Variants in CERS6 observed in about 807,000 individuals in gnomAD.
The protein encoded by CERS6 is ceramide synthase 6.
A neutral mutation model predicts 56.8 loss-of-function variants in CERS6; 26 were observed. The ratio of observed to expected loss-of-function variants is 0.46; its 90% CI spans 0.34 to 0.63. The LOEUF is 0.63. CERS6 is among the 30% of genes least tolerant of loss of function. The pLI, the probability that CERS6 is intolerant of heterozygous loss-of-function variation, is 0.01. For missense variants in CERS6, 415 were observed against 467.5 expected, an observed-to-expected ratio of 0.89 and a Z score of 1.04; for synonymous variants, 164 against 173.3, an observed-to-expected ratio of 0.95 and a Z score of 0.42.
intron 3 of CERS6, among the ~76,000 whole-genome samples, chr2:168,629,294 C>G (rs544969485): frequency 2.9e-4 from 44 of 152,254 alleles, no homozygotes; most frequent in African/African-American, 8.7e-4. Context: ...AGAACTGAAA[C>G]AGCTGTTATA....
At chr2:168,712,502 A>G (rs1298331447) in intron 6 of CERS6, among the ~76,000 whole-genome samples, 1 of 152,234 alleles carries the variant, frequency 6.6e-6, no homozygotes, top group Non-Finnish European at 1.5e-5. Flanking sequence ...ACAACCCCAG[A>G]AATAATTTTA....
chr2:168,691,107 G>A (rs1686490106), intron 5 of CERS6, 23 bp downstream of exon 5: 1 of 1,606,134 alleles, frequency 6.2e-7, no homozygotes, highest in Non-Finnish European at 8.5e-7. Context: ...TATTGTCTGG[G>A]TTTTTACACA....
chr2:168,760,910 C>G (rs995508697), intron 8 of CERS6, among the ~76,000 whole-genome samples: 1 of 152,126 alleles, frequency 6.6e-6, no homozygotes, highest in Admixed American at 6.5e-5. Flanking sequence ...CGCCCGCCAC[C>G]ACGCCCGGCT....
chr2:168,497,935 A>G (rs1186637825), intron 1 of CERS6, among the ~76,000 whole-genome samples: 1 of 152,190 alleles, frequency 6.6e-6, no homozygotes, highest in Non-Finnish European at 1.5e-5. Context: ...AAGACCAGTT[A>G]GGGAGACCCT....
At chr2:168,717,690 G>A (rs1012992602) in intron 7 of CERS6, among the ~76,000 whole-genome samples, 182 bp from the exon 8 acceptor site, 4 of 152,054 alleles carry the variant, frequency 2.6e-5, no homozygotes, top group African/African-American at 7.2e-5. Flanking sequence ...CTCAACTTAC[G>A]GGTAATTTAT....
chr2:168,715,072 G>A lies in CERS6; in HGVS notation c.681G>A (p.Met227Ile). ...TTACCTTTTCATATGTCAACAATAT[G>A]GCCCGAGTAGGAACGCTGGTCCTTT... Reference protein sequence around the residue: ...FLITFSYVNNMARVGTLVLCL... With the variant: ...FLITFSYVNNIARVGTLVLCL... The change falls in exon 7 of 10, where the codon ATG becomes ATA. Residue 227 changes from methionine to isoleucine, a missense_variant. Transcript: ENST00000305747. 3 of 1,612,544 alleles carry A rather than the reference G, an allele frequency of 1.9e-6. No individual in the cohort carries two copies. The highest frequency in any genetic ancestry group is 2.5e-6 in the Non-Finnish European group (3 of 1,179,188).
At chr2:168,536,174 C>T (rs1157784112) in intron 1 of CERS6, among the ~76,000 whole-genome samples, 1 of 152,120 alleles carries the variant, frequency 6.6e-6, no homozygotes, top group East Asian at 1.9e-4. Context: ...TTTTAGTGGT[C>T]AACCTAAATA....
chr2:168,509,008 A>T (rs1694730876), intron 1 of CERS6, among the ~76,000 whole-genome samples: 2 of 152,038 alleles, frequency 1.3e-5, no homozygotes, highest in African/African-American at 4.8e-5. Context: ...TACTTTCTAG[A>T]TGGTAATTTA....
intron 1 of CERS6, among the ~76,000 whole-genome samples, chr2:168,531,887 T>C (rs1291162033): frequency 6.6e-6 from 1 of 151,828 alleles, no homozygotes; most frequent in Non-Finnish European, 1.5e-5. Flanking sequence ...GAAAAGTATG[T>C]TTCTTGTCAT....
At chr2:168,677,541 A>G (rs1301187366) in intron 4 of CERS6, among the ~76,000 whole-genome samples, 2 of 152,068 alleles carry the variant, frequency 1.3e-5, no homozygotes, top group Admixed American at 1.3e-4. Flanking sequence ...CTTGTTGCCC[A>G]GGCTGGAGTG....
At chr2:168,735,742 C>T (rs991925066) in intron 8 of CERS6, among the ~76,000 whole-genome samples, 5 of 151,562 alleles carry the variant, frequency 3.3e-5, no homozygotes, top group South Asian at 2.1e-4. Flanking sequence ...ATCAGCCAGG[C>T]GTGATGTCAC....
At chr2:168,630,237 C>T (rs1684682619) in intron 3 of CERS6, among the ~76,000 whole-genome samples, 1 of 151,736 alleles carries the variant, frequency 6.6e-6, no homozygotes, top group Non-Finnish European at 1.5e-5. Context: ...GCTATTCATA[C>T]TCGGAAGTAC....
chr2:168,658,272 C>T (rs995023719), intron 4 of CERS6, among the ~76,000 whole-genome samples: 1 of 152,188 alleles, frequency 6.6e-6, no homozygotes, highest in Non-Finnish European at 1.5e-5. Flanking sequence ...AACAGGTTTT[C>T]TCTTTTAGGG....
rs571873789 is a variant in CERS6 at position 168,762,832 on chromosome 2, T to C, written c.846-2760T>C. 4.5e-4 allele frequency among the ~76,000 whole-genome samples: 69 copies of C among 152,088 alleles called. 1 individual carries two copies. The South Asian group carries it at 0.014, about 31-fold the overall frequency. On this transcript the variant is annotated intron_variant, in intron 8 of 9. Transcript: ENST00000305747. ...AAATAGGAGTTGCAGAAATCGGGGGTGGGGAAGAACCTATTTGTCTATTTT... is the reference window on the plus strand; with the variant it reads ...AAATAGGAGTTGCAGAAATCGGGGGCGGGGAAGAACCTATTTGTCTATTTT...
chr2:168,746,508 G>T, intron 8 of CERS6, among the ~76,000 whole-genome samples: 1 of 151,694 alleles, frequency 6.6e-6, no homozygotes. Flanking sequence ...TTGGGTGGAG[G>T]GACATGATGA....
intron 4 of CERS6, among the ~76,000 whole-genome samples, chr2:168,677,469 C>T (rs542996469): frequency 2.5e-4 from 38 of 152,150 alleles, no homozygotes; most frequent in African/African-American, 8.9e-4. Flanking sequence ...AATAGTGCTG[C>T]GGTAAACATA....
At chr2:168,487,889 A>G (rs1406152021) in intron 1 of CERS6, among the ~76,000 whole-genome samples, 1 of 151,918 alleles carries the variant, frequency 6.6e-6, no homozygotes, top group Non-Finnish European at 1.5e-5. Context: ...GTTAATTTTT[A>G]AATTTTTTTT....
At chr2:168,547,725 A>G (rs749632434) in intron 2 of CERS6, 24 bp downstream of exon 2, 2 of 1,442,580 alleles carry the variant, frequency 1.4e-6, no homozygotes, top group Non-Finnish European at 2.0e-6. Context: ...TTCCTGGGGT[A>G]TAGATTGTCC....
chr2:168,685,505 A>G (rs1257925431), intron 4 of CERS6, among the ~76,000 whole-genome samples: 2 of 152,174 alleles, frequency 1.3e-5, no homozygotes, highest in East Asian at 1.9e-4. Flanking sequence ...GGTAAAGTAA[A>G]GTATCAGACC....
Sources: allele counts gnomAD v4.1 joint callset (sites outside exome capture counted in the v4.1 genomes callset), GRCh38; gene constraint gnomAD v4.1.1; transcripts MANE v1.5; gene names NCBI Gene and HGNC (gene_info 2026-07-23, HGNC 2026-07-21).